The following CTIF variants were observed in gnomAD, a reference collection of about 807,000 sequenced individuals.
The protein encoded by CTIF is cap binding complex dependent translation initiation factor, also known as CBP80/20-dependent translation initiation factor.
In CTIF, 21 loss-of-function variants were observed where a neutral mutation model predicts 66.0. The observed-to-expected ratio is 0.32, with a 90% CI of 0.23 to 0.46. The LOEUF is 0.46. Ranked by LOEUF, CTIF falls within the 20% of genes least tolerant of loss-of-function variation. CTIF has a pLI of 1.00. For missense variants in CTIF, 739 were observed against 812.7 expected, an observed-to-expected ratio of 0.91 and a Z score of 1.10; for synonymous variants, 345 against 326.4, an observed-to-expected ratio of 1.06 and a Z score of -0.62.
At chr18:48,818,821 T>C (rs1418520233) in intron 10 of CTIF, among the ~76,000 whole-genome samples, 1 of 151,948 alleles carries the variant, frequency 6.6e-6, no homozygotes, top group African/African-American at 2.4e-5. Context: ...CAGAAAAGTG[T>C]CCTGGGTTTG....
At chr18:48,622,356 G>T (rs1467097570) in intron 2 of CTIF, among the ~76,000 whole-genome samples, 1 of 152,128 alleles carries the variant, frequency 6.6e-6, no homozygotes, top group South Asian at 2.1e-4. Context: ...TCAGGAGAGG[G>T]CTGGGTGTGA....
chr18:48,721,714 G>C (rs1185567946), intron 7 of CTIF, among the ~76,000 whole-genome samples: 3 of 152,112 alleles, frequency 2.0e-5, no homozygotes, highest in Non-Finnish European at 2.9e-5. Flanking sequence ...TCCTGACCCT[G>C]TGTGCGGCTC....
intron 10 of CTIF, among the ~76,000 whole-genome samples, chr18:48,831,426 G>C (rs1275644263): frequency 6.6e-6 from 1 of 152,254 alleles, no homozygotes; most frequent in Non-Finnish European, 1.5e-5. Flanking sequence ...ATGGGGAAGG[G>C]ATTGTTGTGG....
chr18:48,604,549 G>A (rs1434474758), intron 1 of CTIF, among the ~76,000 whole-genome samples: 1 of 151,876 alleles, frequency 6.6e-6, no homozygotes, highest in Non-Finnish European at 1.5e-5. Flanking sequence ...GGTTTTTTTG[G>A]AGAGGCCTCC....
intron 9 of CTIF, among the ~76,000 whole-genome samples, chr18:48,779,042 C>G (rs1189206804): frequency 1.3e-5 from 2 of 152,172 alleles, no homozygotes; most frequent in African/African-American, 4.8e-5. Context: ...TCTCGGGGCC[C>G]CAGTTTTCCA....
Position 48,749,916 on chromosome 18 carries a change from C to T in CTIF, c.585-8003C>T, listed in dbSNP as rs555056193. Among the ~76,000 whole-genome samples, 39 of 152,256 alleles carry T rather than the reference C, an allele frequency of 2.6e-4. No homozygotes were observed. In the South Asian group the frequency reaches 5.4e-3, roughly 21 times the overall value. ...AGACTGCAGGGCTTGGCAGGCCGAG[C>T]GGAAGGGCGAGGGCCTTCCCCTGGA... is the stretch of plus-strand genomic sequence containing the variant. On this transcript the variant is annotated intron_variant, in intron 7 of 11. Coordinates refer to ENST00000256413, the MANE Select transcript of CTIF (RefSeq NM_014772.3).
intron 10 of CTIF, among the ~76,000 whole-genome samples, chr18:48,835,764 G>A (rs1450838381): frequency 3.9e-5 from 6 of 152,164 alleles, no homozygotes; most frequent in Non-Finnish European, 8.8e-5. Context: ...AGTAGGACAT[G>A]TCAGGCCAGG....
intron 3 of CTIF, among the ~76,000 whole-genome samples, chr18:48,645,879 A>G (rs532607925): frequency 1.2e-4 from 19 of 152,334 alleles, no homozygotes; most frequent in African/African-American, 4.3e-4. Context: ...CCACCTGGCA[A>G]TAATGAGGCT....
chr18:48,735,826 G>A (rs1392131859), intron 7 of CTIF, among the ~76,000 whole-genome samples: 1 of 152,148 alleles, frequency 6.6e-6, no homozygotes, highest in East Asian at 1.9e-4. Flanking sequence ...TCCATCTCCA[G>A]TCCTCCCTGC....
At chr18:48,685,298 C>T (rs1198407953) in intron 6 of CTIF, among the ~76,000 whole-genome samples, 3 of 152,088 alleles carry the variant, frequency 2.0e-5, no homozygotes, top group Non-Finnish European at 4.4e-5. Flanking sequence ...CCTCGGCTCA[C>T]TGCAACCTCC....
chr18:48,631,153 A>G (rs555885761), intron 2 of CTIF, among the ~76,000 whole-genome samples: 33 of 152,248 alleles, frequency 2.2e-4, no homozygotes, highest in East Asian at 7.7e-4. Context: ...GGTCTCCCCA[A>G]TCTTTCCCAA....
chr18:48,764,094 C>T (rs899134708), intron 9 of CTIF, among the ~76,000 whole-genome samples: 4 of 152,122 alleles, frequency 2.6e-5, no homozygotes, highest in Admixed American at 6.5e-5. Context: ...ACTTCTCTGT[C>T]CCACTCTGAG....
At chr18:48,848,725 C>T (rs372396565) in intron 10 of CTIF, among the ~76,000 whole-genome samples, 6 of 152,308 alleles carry the variant, frequency 3.9e-5, no homozygotes, top group Admixed American at 2.6e-4. Context: ...TGCCTGTGCC[C>T]GTGGCCCTTC....
intron 2 of CTIF, among the ~76,000 whole-genome samples, chr18:48,623,371 C>T (rs11663867): frequency 0.57 from 86,939 of 152,068 alleles, 27,820 homozygotes; most frequent in East Asian, 0.86. Context: ...CCTGCCTCCC[C>T]GATCCCCACA....
chr18:48,691,751 C>A (rs942192180), intron 6 of CTIF, among the ~76,000 whole-genome samples: 1 of 152,136 alleles, frequency 6.6e-6, no homozygotes, highest in African/African-American at 2.4e-5. Flanking sequence ...GTGGTGACAC[C>A]AGCTCTCCCC....
At chr18:48,858,650 G>A (rs559551275) in intron 11 of CTIF, among the ~76,000 whole-genome samples, 21 of 152,242 alleles carry the variant, frequency 1.4e-4, no homozygotes, top group African/African-American at 4.6e-4. Context: ...GGGCCTGGGG[G>A]GCACTGGCCA....
chr18:48,610,484 T>C (rs62102937), intron 1 of CTIF, among the ~76,000 whole-genome samples: 33,801 of 152,042 alleles, frequency 0.22, 3,863 homozygotes, highest in African/African-American at 0.25. Flanking sequence ...GGTTGCTGTT[T>C]CAGTGTTCTT....
chr18:48,791,871 A>C (rs149753748), intron 9 of CTIF, among the ~76,000 whole-genome samples: 1 of 152,156 alleles, frequency 6.6e-6, no homozygotes, highest in Non-Finnish European at 1.5e-5. Context: ...TCTTAGTGTC[A>C]TCTCTTGGGT....
At chr18:48,557,063 C>T (rs1268996452) in intron 1 of CTIF, among the ~76,000 whole-genome samples, 1 of 151,810 alleles carries the variant, frequency 6.6e-6, no homozygotes, top group East Asian at 1.9e-4. Context: ...TAGGCAAATA[C>T]AGTGTGGTCA....
Sources: gnomAD v4.1 joint callset for allele counts (sites outside exome capture counted in the v4.1 genomes callset) on GRCh38, gnomAD v4.1.1 for gene constraint, MANE v1.5 for transcripts, NCBI Gene and HGNC (gene_info 2026-07-23, HGNC 2026-07-21) for gene names.